CSF1R: variants seen among roughly 807,000 people sequenced by gnomAD.
CSF1R encodes the protein macrophage colony-stimulating factor 1 receptor.
A neutral mutation model predicts 110.0 loss-of-function variants in CSF1R; 40 were observed. The observed-to-expected ratio is 0.36, with a 90% confidence interval of 0.28 to 0.47. The LOEUF (loss-of-function observed/expected upper bound fraction) is 0.47. CSF1R is among the 20% of genes least tolerant of loss of function. The pLI is 0.99. For synonymous variants in CSF1R, 523 were observed against 503.4 expected (o/e 1.04, Z -0.52); for missense variants, 1,052 against 1,253.0 (o/e 0.84, Z 2.42).
At chr5:150,057,742 G>A in intron 14 of CSF1R, 150 bp from the exon 15 acceptor site, 1 of 638,156 alleles carries the variant, frequency 1.6e-6, no homozygotes, top group East Asian at 2.7e-5. Context: ...AGTGAGCATT[G>A]GTCTCTGCTC....
intron 2 of CSF1R, 62 bp from the exon 3 acceptor site, chr5:150,080,398 G>C: frequency 1.3e-6 from 2 of 1,562,436 alleles, no homozygotes; most frequent in Non-Finnish European, 1.7e-6. Context: ...AGGAGTACCT[G>C]GACATAGGTG....
chr5:150,101,071 A>G (rs550672773), intron 1 of CSF1R, among the ~76,000 whole-genome samples: 2 of 135,040 alleles, frequency 1.5e-5, no homozygotes, highest in East Asian at 4.0e-4. Flanking sequence ...TTGCTCTCAG[A>G]AAAAAAAAAA....
chr5:150,087,823 T>C (rs1406138682), upstream of CSF1R, among the ~76,000 whole-genome samples: 1 of 148,996 alleles, frequency 6.7e-6, no homozygotes, highest in Non-Finnish European at 1.5e-5. Context: ...AACCTCCACC[T>C]CCCGGACTCA....
chr5:150,057,383 G>A lies in CSF1R; in HGVS notation c.2223C>T (p.Asp741=), dbSNP rs775108440. ...GGGGCCGTCCATCCTCCTTGTCCAG[G>A]TCTAGGGTGGGAAGAGGCGTCAGGG... is the stretch of plus-strand genomic sequence containing the variant. The part of the protein sequence containing the change: ...TSSNDSFSEQ[D]LDKEDGRPLE... The change falls in exon 16 of 21, where the codon GAC becomes GAT. Residue 741 remains aspartate, a splice_region_variant and synonymous_variant. Transcript: ENST00000675795. 3 of 1,613,914 alleles carry A rather than the reference G, an allele frequency of 1.9e-6. No homozygotes were observed. The highest frequency in any genetic ancestry group is 1.7e-6 in the Non-Finnish European group (2 of 1,179,856).
At chr5:150,076,642 T>A (rs1409612261) in intron 5 of CSF1R, among the ~76,000 whole-genome samples, 1 of 152,202 alleles carries the variant, frequency 6.6e-6, no homozygotes, top group Non-Finnish European at 1.5e-5. Context: ...CTCCGGCTTC[T>A]GCCACCTCCT....
intron 1 of CSF1R, among the ~76,000 whole-genome samples, chr5:150,092,177 T>G (rs1225684390): frequency 1.3e-5 from 2 of 152,252 alleles, no homozygotes; most frequent in Non-Finnish European, 2.9e-5. Context: ...GAGCACGCTA[T>G]GTTCCAATCA....
In CSF1R at chr5:150,080,989, C is replaced by T. The variant is rs148727692; in HGVS notation, c.85G>A (p.Glu29Lys). Residue 29 changes from glutamate (E) to lysine (K), a missense_variant, in exon 2 of 21, where the codon GAG becomes AAG. This residue lies in a region of CSF1R where 693 missense variants were observed against 735.4 expected (regional missense o/e 0.94). Transcript: ENST00000675795. ...GIPVIEPSVP[E>K]LVVKPGATVT... ...GTTGCTCCTGGCTTCACGACCAGCT[C>T]AGGGACACTGGGCTCTATCACTGGG... 3.7e-6 allele frequency: 6 copies of T among 1,614,006 alleles called. No homozygotes were observed. The South Asian group carries it at 4.4e-5, about 12-fold the overall frequency.
rs544292621 is a variant in CSF1R at position 150,074,315 on chromosome 5, T to TG, written c.890-823_890-822insC. On this transcript the variant is annotated intron_variant, in intron 5 of 20. Transcript: ENST00000675795. The stretch of plus-strand genomic sequence containing the variant: ...AAAGAGTCCTGACTAGTTTTTTTTT[T>TG]TTTTTTTTTTGAAACAGAGTCTTGC... 3.6e-3 allele frequency among the ~76,000 whole-genome samples: 548 copies of TG among 150,806 alleles called. 10 individuals are homozygous for TG. The highest frequency in any genetic ancestry group is 0.026 in the South Asian group (122 of 4,740).
At chr5:150,111,736 T>G (rs1258857092) in intron 1 of CSF1R, among the ~76,000 whole-genome samples, 2 of 152,194 alleles carry the variant, frequency 1.3e-5, no homozygotes, top group Non-Finnish European at 2.9e-5. Context: ...CTTGGGCAAG[T>G]CACTTCAAAA....
chr5:150,057,234 T>C (rs1265756789), intron 16 of CSF1R, 53 bp downstream of exon 16: 1 of 1,515,712 alleles, frequency 6.6e-7, no homozygotes, highest in Non-Finnish European at 9.1e-7. Flanking sequence ...TCATCCAGCC[T>C]CCCCGGAGCA....
At chr5:150,070,135 G>C in intron 8 of CSF1R, 47 bp downstream of exon 8, 1 of 1,609,730 alleles carries the variant, frequency 6.2e-7, no homozygotes, top group Non-Finnish European at 8.5e-7. Flanking sequence ...CTCACAGGGT[G>C]CCCAGCCCCT....
chr5:150,095,528 C>A (rs185135705), intron 1 of CSF1R, among the ~76,000 whole-genome samples: 1 of 151,782 alleles, frequency 6.6e-6, no homozygotes, highest in East Asian at 1.9e-4. Context: ...ACCCAAGAGT[C>A]AAAGAAGAAG....
intron 9 of CSF1R, among the ~76,000 whole-genome samples, chr5:150,068,826 G>A (rs1757901703): frequency 6.7e-6 from 1 of 149,420 alleles, no homozygotes; most frequent in Non-Finnish European, 1.5e-5. Context: ...TGTGGCCCCT[G>A]AGTCTCCTCT....
chr5:150,093,578 A>G (rs556480782), intron 1 of CSF1R, among the ~76,000 whole-genome samples: 4 of 152,356 alleles, frequency 2.6e-5, no homozygotes, highest in African/African-American at 9.6e-5. Flanking sequence ...AAAGGAAGAC[A>G]AAGATGGAAA....
chr5:150,070,842 A>G (rs1373362318), intron 6 of CSF1R, among the ~76,000 whole-genome samples: 2 of 152,174 alleles, frequency 1.3e-5, no homozygotes, highest in Admixed American at 6.5e-5. Flanking sequence ...TGGGAGGCCT[A>G]TCACAGGTCG....
At chr5:150,067,006 AG>A (rs1366411738) in intron 10 of CSF1R, 1 of 153,304 alleles carries the variant, frequency 6.5e-6, no homozygotes, top group Non-Finnish European at 1.5e-5. Context: ...CACCTCCTCC[AG>A]GCAGTCTCCC....
At chr5:150,109,064 C>CGCT (rs1554106358) in intron 1 of CSF1R, among the ~76,000 whole-genome samples, 4 of 130,452 alleles carry the variant, frequency 3.1e-5, no homozygotes, top group Non-Finnish European at 6.8e-5. Context: ...GCCCGCCCCC[C>CGCT]CCCCACCACC....
Position 150,057,148 on chromosome 5 carries a change from G to A in CSF1R, c.2319+139C>T, listed in dbSNP as rs1581281277. ...TCTCCCACTCATCCTTGCAGCTGCTGCCCAAATGACTCTCTCATACTCTGT... is the reference window on the plus strand; with the variant it reads ...TCTCCCACTCATCCTTGCAGCTGCTACCCAAATGACTCTCTCATACTCTGT... On this transcript the variant is annotated intron_variant, in intron 16 of 20. Coordinates refer to ENST00000675795, the MANE Select transcript of CSF1R (RefSeq NM_001288705.3). 5.8e-6 allele frequency: 4 copies of A among 695,382 alleles called. No individual in the cohort carries two copies. In the East Asian group the frequency reaches 8.2e-5, roughly 14 times the overall value. The allele number at this position is 695,382 out of a possible 1,614,324, so 43.1% of individuals were successfully genotyped here.
At position 150,053,640 on chromosome 5, in the gene CSF1R, T is replaced by C. The variant is rs1253720659; in HGVS notation, c.*429A>G. 1.0e-5 allele frequency: 3 copies of C among 288,724 alleles called. No homozygotes were observed. Among genetic ancestry groups the C allele is most frequent in the Non-Finnish European group, 2.0e-5 (3 of 151,914 alleles). The allele number at this position is 288,724 out of a possible 1,614,324, so 17.9% of individuals were successfully genotyped here. A position where few individuals can be genotyped will look rare whatever the true frequency, so the allele number is the denominator to read the frequency against. On this transcript the variant is annotated 3_prime_UTR_variant, in exon 21 of 21. Transcript: ENST00000675795. ...GTGGTCTGTGAGCATCTGCTGCTCC[T>C]CTCAGAGAGGGAGATCTCACTCTCT...
Sources: gnomAD v4.1 joint callset for allele counts (sites outside exome capture counted in the v4.1 genomes callset) on GRCh38, gnomAD v4.1.1 for gene constraint, gnomAD v4.1.1 regional missense constraint, MANE v1.5 for transcripts, NCBI Gene and HGNC (gene_info 2026-07-23, HGNC 2026-07-21) for gene names.